ECPAS: variants seen among roughly 807,000 people sequenced by gnomAD.
The protein encoded by ECPAS is proteasome adapter and scaffold protein ECM29.
ECPAS carries 70 observed loss-of-function variants against 255.1 expected under a neutral mutation model. The observed-to-expected ratio is 0.27, with a 90% CI of 0.23 to 0.33. The LOEUF (loss-of-function observed/expected upper bound fraction) is 0.33. Among genes scored for constraint, ECPAS ranks in the 10% least tolerant of loss-of-function variants. The probability of loss-of-function intolerance (pLI) is 1.00; values close to 1 mark genes in which losing one functional copy is unlikely to be tolerated. For missense variants in ECPAS, 1,817 were observed against 2,206.4 expected (o/e 0.82, Z 3.54); for synonymous variants, 784 against 775.0 (o/e 1.01, Z -0.19).
intron 16 of ECPAS, among the ~76,000 whole-genome samples, chr9:111,418,550 G>C (rs2098208110): frequency 6.6e-6 from 1 of 151,916 alleles, no homozygotes; most frequent in Non-Finnish European, 1.5e-5. Context: ...TTCTTCAATT[G>C]CCTCTGATTG....
At chr9:111,440,260 T>C (rs780787996) in intron 6 of ECPAS, 112 bp downstream of exon 6, 117 of 918,492 alleles carry the variant, frequency 1.3e-4, no homozygotes, top group Non-Finnish European at 1.6e-4. Context: ...TAAACGTAAA[T>C]GGATGTTGAG....
At position 111,484,327 on chromosome 9, in the gene ECPAS, C is replaced by A; in HGVS notation, c.-294G>T. On this transcript the variant is annotated 5_prime_UTR_variant, in exon 1 of 50. Transcript: ENST00000684092. Reference sequence around the variant, plus strand: ...CCTTTTCCGAGGTCTGCGGCTGTCACGTTGGCTGGGCCCGACCTGGGGAAA... The same window carrying A: ...CCTTTTCCGAGGTCTGCGGCTGTCAAGTTGGCTGGGCCCGACCTGGGGAAA... 1 of 1,599,992 alleles carries A rather than the reference C, an allele frequency of 6.3e-7. No homozygotes were observed. The highest frequency in any genetic ancestry group is 8.5e-7 in the Non-Finnish European group (1 of 1,174,760).
chr9:111,368,789 A>G (rs1428212205), intron 46 of ECPAS, among the ~76,000 whole-genome samples: 2 of 152,220 alleles, frequency 1.3e-5, no homozygotes, highest in African/African-American at 4.8e-5. Flanking sequence ...CAGAATTGTG[A>G]GAAAATAAAT....
At chr9:111,461,065 G>A (rs910825314) in intron 2 of ECPAS, among the ~76,000 whole-genome samples, 7 of 151,984 alleles carry the variant, frequency 4.6e-5, no homozygotes, top group African/African-American at 1.7e-4. Flanking sequence ...AAAAAAAAAA[G>A]TTGATTCTTT....
At chr9:111,419,915 T>C in intron 16 of ECPAS, 102 bp downstream of exon 16, 1 of 833,290 alleles carries the variant, frequency 1.2e-6, no homozygotes. Flanking sequence ...ATAAATAGCT[T>C]CTAAATTTCA....
At chr9:111,423,333 G>T in intron 12 of ECPAS, 85 bp from the exon 13 acceptor site, 1 of 912,728 alleles carries the variant, frequency 1.1e-6, no homozygotes. Context: ...AAACCTTTTC[G>T]CTGCAATTAC....
At position 111,361,232 on chromosome 9, in the gene ECPAS, G is replaced by C. The variant is rs1352519162; in HGVS notation, c.*798C>G. 1 of 152,212 alleles carries C rather than the reference G, an allele frequency of 6.6e-6. No individual in the cohort carries two copies. Among genetic ancestry groups the C allele is most frequent in the Non-Finnish European group, 1.5e-5 (1 of 68,042 alleles). The allele number at this position is 152,212 out of a possible 1,614,324, so 9.4% of individuals were successfully genotyped here. The stretch of plus-strand genomic sequence containing the variant: ...AAATATGCAGCCACAGACACAGATA[G>C]AATGTGTGATCTTGTCCTAATCTAC... On this transcript the variant is annotated 3_prime_UTR_variant, in exon 50 of 50. Transcript: ENST00000684092.
At position 111,413,313 on chromosome 9, in the gene ECPAS, G is replaced by A. The variant is rs1374375143; in HGVS notation, c.2079+582C>T. 2.0e-5 allele frequency among the ~76,000 whole-genome samples: 3 copies of A among 152,142 alleles called. No homozygotes were observed. In the East Asian group the frequency reaches 5.8e-4, roughly 29 times the overall value. Reference sequence around the variant, plus strand: ...AGTACATTCATACAATAAAAACTGAGGCTGTTAAAGAAGATGCTCTCTCCA... The same window carrying A: ...AGTACATTCATACAATAAAAACTGAAGCTGTTAAAGAAGATGCTCTCTCCA... On this transcript the variant is annotated intron_variant, in intron 20 of 49. Coordinates refer to ENST00000684092, the MANE Select transcript of ECPAS (RefSeq NM_001364929.1).
intron 24 of ECPAS, among the ~76,000 whole-genome samples, chr9:111,403,414 T>C (rs534464121): frequency 7.4e-6 from 1 of 134,820 alleles, no homozygotes; most frequent in African/African-American, 3.3e-5. Flanking sequence ...GGTAAAGGTA[T>C]GAAAAAGATA....
chr9:111,469,238 C>CA (rs1236491571), intron 2 of ECPAS, among the ~76,000 whole-genome samples: 4 of 151,314 alleles, frequency 2.6e-5, no homozygotes, highest in South Asian at 2.1e-4. Flanking sequence ...ACTCTGTCTC[C>CA]AAAAAAACAA....
At chr9:111,410,847 T>C in intron 22 of ECPAS, 133 bp downstream of exon 22, 1 of 950,262 alleles carries the variant, frequency 1.1e-6, no homozygotes, top group African/African-American at 1.6e-5. Flanking sequence ...ACATTATTTA[T>C]CAAGTAAGTT....
chr9:111,418,334 T>A (rs936453857), intron 16 of ECPAS, among the ~76,000 whole-genome samples: 1 of 152,238 alleles, frequency 6.6e-6, no homozygotes, highest in Non-Finnish European at 1.5e-5. Context: ...ACAACTATAA[T>A]ACATATTTTA....
In ECPAS at chr9:111,360,953, C is replaced by T. The variant is rs1217731440; in HGVS notation, c.*1077G>A. 1 of 152,178 alleles carries T rather than the reference C, an allele frequency of 6.6e-6. No homozygotes were observed. Among genetic ancestry groups the T allele is most frequent in the Non-Finnish European group, 1.5e-5 (1 of 68,028 alleles). 9.4% of individuals were successfully genotyped at this position (152,178 alleles called of 1,614,324 possible). A position where few individuals can be genotyped will look rare whatever the true frequency, so the allele number is the denominator to read the frequency against. On this transcript the variant is annotated 3_prime_UTR_variant, in exon 50 of 50. Coordinates refer to ENST00000684092, the MANE Select transcript of ECPAS (RefSeq NM_001364929.1). ...TGTTTTTCCTCTTACCCTACACTTT[C>T]AGGCAGGGGCATGGGCAACAGAAGG...
chr9:111,463,102 T>C (rs913700895), intron 2 of ECPAS, among the ~76,000 whole-genome samples: 1 of 152,190 alleles, frequency 6.6e-6, no homozygotes, highest in African/African-American at 2.4e-5. Context: ...CAAATTTCCA[T>C]GGCTTAAAAA....
intron 22 of ECPAS, 58 bp from the exon 23 acceptor site, chr9:111,410,271 C>G (rs1011891737): frequency 1.5e-5 from 22 of 1,448,974 alleles, no homozygotes; most frequent in Non-Finnish European, 2.1e-5. Flanking sequence ...CGACCCAAAG[C>G]AACCAGTGAT....
At chr9:111,367,876 C>CA (rs2098122359) in intron 46 of ECPAS, among the ~76,000 whole-genome samples, 1 of 151,604 alleles carries the variant, frequency 6.6e-6, no homozygotes, top group Admixed American at 6.6e-5. Flanking sequence ...AGCAAGACCT[C>CA]ACCTCTTCAA....
At chr9:111,379,524 C>A (rs1286012777) in intron 35 of ECPAS, among the ~76,000 whole-genome samples, 4 of 152,192 alleles carry the variant, frequency 2.6e-5, no homozygotes, top group Non-Finnish European at 5.9e-5. Context: ...TGAATGCTGG[C>A]GTGGCTGTCG....
chr9:111,455,428 G>A (rs573855218), intron 2 of ECPAS, among the ~76,000 whole-genome samples: 1 of 152,302 alleles, frequency 6.6e-6, no homozygotes, highest in Admixed American at 6.5e-5. Context: ...AGCTCGCAGT[G>A]AGCAGATATC....
chr9:111,384,366 C>T (rs139547731), intron 34 of ECPAS, among the ~76,000 whole-genome samples, 156 bp downstream of exon 34: 31 of 152,338 alleles, frequency 2.0e-4, no homozygotes, highest in African/African-American at 7.0e-4. Flanking sequence ...GTGTTTACAG[C>T]ACTCACTTTC....
Sources: gnomAD v4.1 joint callset for allele counts (sites outside exome capture counted in the v4.1 genomes callset) on GRCh38, gnomAD v4.1.1 for gene constraint, MANE v1.5 for transcripts, NCBI Gene and HGNC (gene_info 2026-07-23, HGNC 2026-07-21) for gene names.